ELMO1: variants seen among roughly 807,000 people sequenced by gnomAD.
ELMO1 encodes engulfment and cell motility protein 1.
Under a neutral mutation model 98.9 loss-of-function variants are expected in ELMO1, and 26 were observed. The observed-to-expected ratio is 0.26, with a 90% CI of 0.19 to 0.36. The LOEUF (loss-of-function observed/expected upper bound fraction) is 0.36. Ranked by LOEUF, ELMO1 falls within the 10% of genes least tolerant of loss-of-function variation. ELMO1 has a pLI of 1.00. For missense variants in ELMO1, 627 were observed against 935.2 expected, an observed-to-expected ratio of 0.67 and a Z score of 4.30; for synonymous variants, 346 against 346.0, an observed-to-expected ratio of 1.00 and a Z score of 0.00.
chr7:37,446,608 C>G (rs958305836), intron 1 of ELMO1, among the ~76,000 whole-genome samples: 3 of 152,092 alleles, frequency 2.0e-5, no homozygotes, highest in Non-Finnish European at 4.4e-5. Flanking sequence ...CTGCAGTTAC[C>G]AAGGACAGTA....
chr7:37,135,761 G>A (rs1345708294), intron 13 of ELMO1, among the ~76,000 whole-genome samples: 2 of 152,166 alleles, frequency 1.3e-5, no homozygotes, highest in East Asian at 3.8e-4. Flanking sequence ...CTCTGACTTA[G>A]TCTACCCAAA....
Position 37,385,659 on chromosome 7 carries a change from T to C in ELMO1, c.-73-42896A>G, listed in dbSNP as rs74448528. ...AGAAGCTTCATGCAAGCATGAGTAT[T>C]TGGTTTCCCACTGTATCCCGTGTCT... On this transcript the variant is annotated intron_variant, in intron 1 of 21. Coordinates refer to ENST00000310758, the MANE Select transcript of ELMO1 (RefSeq NM_014800.11). 9.9e-3 allele frequency among the ~76,000 whole-genome samples: 1,508 copies of C among 152,356 alleles called. 24 individuals carry two copies. The highest frequency in any genetic ancestry group is 0.034 in the African/African-American group (1,430 of 41,580).
chr7:37,245,125 G>C (rs193171702), intron 6 of ELMO1, among the ~76,000 whole-genome samples: 6 of 152,110 alleles, frequency 3.9e-5, no homozygotes, highest in African/African-American at 1.4e-4. Context: ...TGCCCAACTC[G>C]CTAAGTCCTA....
chr7:37,021,087 T>A (rs1365789921), intron 15 of ELMO1, among the ~76,000 whole-genome samples: 1 of 152,174 alleles, frequency 6.6e-6, no homozygotes, highest in East Asian at 1.9e-4. Flanking sequence ...AACCTGGTAT[T>A]CCTTAACAGT....
chr7:36,994,202 T>C (rs183210968), intron 16 of ELMO1, among the ~76,000 whole-genome samples: 6 of 152,352 alleles, frequency 3.9e-5, no homozygotes, highest in African/African-American at 1.4e-4. Flanking sequence ...TTCATGAATT[T>C]CATTATATTT....
At chr7:37,425,144 G>T (rs1804648295) in intron 1 of ELMO1, among the ~76,000 whole-genome samples, 1 of 152,156 alleles carries the variant, frequency 6.6e-6, no homozygotes, top group African/African-American at 2.4e-5. Context: ...ATTAACAACA[G>T]AAATTTACTT....
chr7:36,885,938 C>T (rs923703529), intron 18 of ELMO1, among the ~76,000 whole-genome samples: 1 of 152,334 alleles, frequency 6.6e-6, no homozygotes. Flanking sequence ...CCTTGGGAGA[C>T]AGGCATTGCT....
At chr7:36,898,559 A>G (rs1806224937) in intron 16 of ELMO1, among the ~76,000 whole-genome samples, 1 of 152,218 alleles carries the variant, frequency 6.6e-6, no homozygotes, top group Non-Finnish European at 1.5e-5. Flanking sequence ...GGTTAAAGGT[A>G]CAAGCACAGG....
At chr7:37,115,732 T>A (rs1785545284) in intron 14 of ELMO1, among the ~76,000 whole-genome samples, 1 of 150,520 alleles carries the variant, frequency 6.6e-6, no homozygotes, top group Non-Finnish European at 1.5e-5. Flanking sequence ...ATCTTACTGG[T>A]AGTCCTAGCT....
At chr7:37,029,954 T>C (rs950549650) in intron 15 of ELMO1, among the ~76,000 whole-genome samples, 2 of 152,182 alleles carry the variant, frequency 1.3e-5, no homozygotes, top group Admixed American at 6.5e-5. Flanking sequence ...TGACTTATAA[T>C]GATAATCAAC....
At chr7:37,085,725 G>C (rs1167903211) in intron 15 of ELMO1, among the ~76,000 whole-genome samples, 4 of 152,030 alleles carry the variant, frequency 2.6e-5, no homozygotes, top group Admixed American at 1.3e-4. Flanking sequence ...GATGGTTTTT[G>C]CACTTTACAC....
chr7:36,866,205 A>T (rs1803022077), intron 20 of ELMO1, among the ~76,000 whole-genome samples: 1 of 152,216 alleles, frequency 6.6e-6, no homozygotes, highest in African/African-American at 2.4e-5. Context: ...TTTATAAATT[A>T]TAGAGTTTGA....
chr7:37,047,932 C>A (rs1205805945), intron 15 of ELMO1, among the ~76,000 whole-genome samples: 1 of 151,874 alleles, frequency 6.6e-6, no homozygotes, highest in African/African-American at 2.4e-5. Context: ...ACCCTGCTTT[C>A]TTTGATTAGA....
chr7:37,074,640 T>C (rs1584603568), intron 15 of ELMO1, among the ~76,000 whole-genome samples: 1 of 152,214 alleles, frequency 6.6e-6, no homozygotes, highest in Admixed American at 6.5e-5. Context: ...CACTGAATTA[T>C]ACTTAGCCTG....
At chr7:37,104,721 G>A (rs1228723700) in intron 14 of ELMO1, among the ~76,000 whole-genome samples, 1 of 152,120 alleles carries the variant, frequency 6.6e-6, no homozygotes, top group Non-Finnish European at 1.5e-5. Flanking sequence ...ACCAAGTTAA[G>A]AATGTGAGTA....
chr7:37,056,001 C>A (rs1422363086), intron 15 of ELMO1, among the ~76,000 whole-genome samples: 1 of 152,158 alleles, frequency 6.6e-6, no homozygotes. Context: ...CATTCAGAAA[C>A]ATTTGGTGCT....
intron 13 of ELMO1, among the ~76,000 whole-genome samples, chr7:37,179,120 T>G (rs920692583): frequency 1.3e-5 from 2 of 152,180 alleles, no homozygotes; most frequent in Non-Finnish European, 2.9e-5. Flanking sequence ...GTACTATGGC[T>G]GCGACAGTTC....
intron 13 of ELMO1, chr7:37,204,048 C>T (rs1003142712): frequency 2.2e-6 from 1 of 453,702 alleles, no homozygotes; most frequent in Non-Finnish European, 4.4e-6. Context: ...AGTATTTAGC[C>T]CCCGAATTCT....
chr7:37,169,808 G>T (rs541407228), intron 13 of ELMO1, among the ~76,000 whole-genome samples: 1 of 152,276 alleles, frequency 6.6e-6, no homozygotes, highest in East Asian at 1.9e-4. Flanking sequence ...TGGCATTTTG[G>T]CTTACGAGCA....
Sources: allele counts gnomAD v4.1 joint callset (sites outside exome capture counted in the v4.1 genomes callset), GRCh38; gene constraint gnomAD v4.1.1; transcripts MANE v1.5; gene names NCBI Gene and HGNC (gene_info 2026-07-23, HGNC 2026-07-21).